The following OPCML variants were observed in gnomAD, a reference collection of about 807,000 sequenced individuals.
OPCML encodes opioid binding protein/cell adhesion molecule like.
Under a neutral mutation model 37.8 loss-of-function variants are expected in OPCML, and 13 were observed. The ratio of observed to expected loss-of-function variants is 0.34; its 90% CI spans 0.22 to 0.55. OPCML has a LOEUF of 0.55. OPCML is among the 20% of genes least tolerant of loss of function. The pLI is 0.91. For synonymous variants in OPCML, 176 were observed against 168.8 expected, an observed-to-expected ratio of 1.04 and a Z score of -0.33; for missense variants, 341 against 435.6, an observed-to-expected ratio of 0.78 and a Z score of 1.93.
At chr11:132,674,786 G>C (rs994882377) in intron 2 of OPCML, among the ~76,000 whole-genome samples, 2 of 152,180 alleles carry the variant, frequency 1.3e-5, no homozygotes, top group African/African-American at 4.8e-5. Context: ...GTATTTGAAA[G>C]ACCTTCTCAT....
intron 1 of OPCML, among the ~76,000 whole-genome samples, chr11:133,322,209 A>T (rs1264390651): frequency 6.6e-6 from 1 of 152,168 alleles, no homozygotes; most frequent in Non-Finnish European, 1.5e-5. Flanking sequence ...TGTTCTGATC[A>T]ATATTAAAAT....
At chr11:132,986,483 AT>A (rs1395267836) in intron 1 of OPCML, among the ~76,000 whole-genome samples, 1 of 152,244 alleles carries the variant, frequency 6.6e-6, no homozygotes, top group East Asian at 1.9e-4. Context: ...AGGATCCCAG[AT>A]TTAGGAATGT....
Position 133,241,743 on chromosome 11 carries a change from C to T in OPCML, c.61+290521G>A, listed in dbSNP as rs536707772. On this transcript the variant is annotated intron_variant, in intron 1 of 7. Coordinates refer to ENST00000524381, the MANE Select transcript of OPCML (RefSeq NM_001012393.5). ...CGAAGGGAAGAGCATTTGCACTCCC[C>T]GCCGCCATCAGGAACACACCTTCAT... is the stretch of plus-strand genomic sequence containing the variant. 1.7e-3 allele frequency among the ~76,000 whole-genome samples: 255 copies of T among 152,328 alleles called. 3 individuals carry two copies. Among genetic ancestry groups the T allele is most frequent in the Non-Finnish European group, 1.8e-3 (125 of 68,028 alleles).
chr11:133,229,852 G>T (rs1376559809), intron 1 of OPCML, among the ~76,000 whole-genome samples: 1 of 152,170 alleles, frequency 6.6e-6, no homozygotes, highest in Non-Finnish European at 1.5e-5. Flanking sequence ...AGCCTTTACT[G>T]TGCGCAGTTA....
At chr11:132,510,896 T>C (rs1378161082) in intron 4 of OPCML, among the ~76,000 whole-genome samples, 3 of 152,184 alleles carry the variant, frequency 2.0e-5, no homozygotes, top group Non-Finnish European at 4.4e-5. Context: ...TAAAGTGTTT[T>C]TCCTCTAATC....
At chr11:132,675,226 T>A (rs1044576257) in intron 2 of OPCML, among the ~76,000 whole-genome samples, 4 of 150,940 alleles carry the variant, frequency 2.7e-5, no homozygotes, top group Non-Finnish European at 5.9e-5. Flanking sequence ...TATAAAACGT[T>A]ATATATGTAT....
At chr11:133,036,743 C>T (rs557864113) in intron 1 of OPCML, among the ~76,000 whole-genome samples, 1 of 152,302 alleles carries the variant, frequency 6.6e-6, no homozygotes, top group East Asian at 1.9e-4. Flanking sequence ...ACAAAGTTGA[C>T]ATTGATTCAG....
intron 1 of OPCML, among the ~76,000 whole-genome samples, chr11:133,089,239 T>C (rs1948867125): frequency 6.6e-6 from 1 of 152,176 alleles, no homozygotes; most frequent in Admixed American, 6.5e-5. Flanking sequence ...TCTGGAAATA[T>C]GACAAAAAAA....
At chr11:132,753,548 AC>A (rs1372949303) in intron 2 of OPCML, among the ~76,000 whole-genome samples, 1 of 152,142 alleles carries the variant, frequency 6.6e-6, no homozygotes, top group Non-Finnish European at 1.5e-5. Context: ...ATAGATGTGT[AC>A]CCATTATTGC....
intron 2 of OPCML, among the ~76,000 whole-genome samples, chr11:132,674,458 AT>A (rs1298998693): frequency 6.6e-6 from 1 of 152,156 alleles, no homozygotes; most frequent in Non-Finnish European, 1.5e-5. Flanking sequence ...AATCAGATTT[AT>A]TTTGTGTTGT....
At chr11:132,497,648 G>A (rs752502495) in intron 4 of OPCML, among the ~76,000 whole-genome samples, 4 of 152,014 alleles carry the variant, frequency 2.6e-5, no homozygotes, top group African/African-American at 4.8e-5. Flanking sequence ...GCCCTGAAGT[G>A]GGAGTATTTT....
At chr11:133,207,926 G>A (rs1414804905) in intron 1 of OPCML, among the ~76,000 whole-genome samples, 7 of 151,932 alleles carry the variant, frequency 4.6e-5, no homozygotes, top group African/African-American at 1.7e-4. Flanking sequence ...TTCGCCGCAG[G>A]GTCTTCATTC....
intron 2 of OPCML, among the ~76,000 whole-genome samples, chr11:132,827,956 C>T (rs767829454): frequency 2.0e-5 from 3 of 152,102 alleles, no homozygotes; most frequent in Non-Finnish European, 2.9e-5. Context: ...TTTATAGCAG[C>T]TTCATTTATA....
chr11:133,066,824 G>A (rs1948448870), intron 1 of OPCML: 1 of 152,108 alleles, frequency 6.6e-6, no homozygotes, highest in South Asian at 2.1e-4. Context: ...TTACAGGCAT[G>A]CGCCACCATA....
intron 1 of OPCML, among the ~76,000 whole-genome samples, chr11:132,967,600 A>G (rs531126511): frequency 2.0e-5 from 3 of 152,266 alleles, no homozygotes; most frequent in Admixed American, 1.3e-4. Flanking sequence ...TTACATTTCT[A>G]TATATTATAA....
intron 1 of OPCML, among the ~76,000 whole-genome samples, chr11:133,104,712 T>C (rs1949132223): frequency 1.3e-5 from 2 of 152,228 alleles, no homozygotes; most frequent in South Asian, 2.1e-4. Flanking sequence ...CTTCAGCAAA[T>C]GCTTCAAGAA....
intron 2 of OPCML, among the ~76,000 whole-genome samples, chr11:132,932,901 T>C (rs747575744): frequency 5.3e-5 from 8 of 151,840 alleles, no homozygotes; most frequent in Non-Finnish European, 8.8e-5. Context: ...CTTAGAAAAA[T>C]TGAGTCACTT....
At chr11:132,741,137 A>T (rs1163618920) in intron 2 of OPCML, among the ~76,000 whole-genome samples, 1 of 152,152 alleles carries the variant, frequency 6.6e-6, no homozygotes, top group African/African-American at 2.4e-5. Flanking sequence ...GAAACCCAGT[A>T]TATCCTGAGC....
At chr11:133,327,250 T>C (rs1384081643) in intron 1 of OPCML, among the ~76,000 whole-genome samples, 1 of 151,548 alleles carries the variant, frequency 6.6e-6, no homozygotes, top group African/African-American at 2.4e-5. Flanking sequence ...ATGTGGTGTG[T>C]GAGTTGTTAG....
Sources: allele counts gnomAD v4.1 joint callset (sites outside exome capture counted in the v4.1 genomes callset), GRCh38; gene constraint gnomAD v4.1.1; transcripts MANE v1.5; gene names NCBI Gene and HGNC (gene_info 2026-07-23, HGNC 2026-07-21).